Variants in KCNQ5 observed in about 807,000 individuals in gnomAD.
KCNQ5 encodes the protein potassium voltage-gated channel subfamily Q member 5, also known as potassium voltage-gated channel subfamily KQT member 5.
A neutral mutation model predicts 98.2 loss-of-function variants in KCNQ5; 30 were observed. The observed-to-expected ratio is 0.31, with a 90% CI of 0.23 to 0.41. The LOEUF (loss-of-function observed/expected upper bound fraction) is 0.41, where lower values mean the gene tolerates loss of function less well. KCNQ5 is among the 10% of genes least tolerant of loss of function. The pLI is 1.00. For missense variants in KCNQ5, 835 were observed against 1,182.5 expected (o/e 0.71, Z 4.31); for synonymous variants, 458 against 449.4 (o/e 1.02, Z -0.24).
chr6:72,806,765 C>G (rs569113097), intron 1 of KCNQ5: 34 of 448,802 alleles, frequency 7.6e-5, no homozygotes, highest in African/African-American at 6.7e-4. Flanking sequence ...ATTCCTACTT[C>G]CTCAAGCCAA....
chr6:72,941,393 T>G (rs1294131725), intron 1 of KCNQ5, among the ~76,000 whole-genome samples: 1 of 85,856 alleles, frequency 1.2e-5, no homozygotes, highest in African/African-American at 3.0e-5. Context: ...CCTTCCTTCC[T>G]CCTTTCCTCC....
intron 1 of KCNQ5, among the ~76,000 whole-genome samples, chr6:72,963,528 G>GCATTT (rs1767472002): frequency 6.6e-6 from 1 of 152,124 alleles, no homozygotes; most frequent in Non-Finnish European, 1.5e-5. Context: ...CTAAAATCTG[G>GCATTT]AAAGGAGTAT....
chr6:72,878,421 C>CT (rs113272962), intron 1 of KCNQ5, among the ~76,000 whole-genome samples: 2 of 151,870 alleles, frequency 1.3e-5, no homozygotes, highest in East Asian at 3.9e-4. Context: ...CCCCAGGAGG[C>CT]TTTTTTTCCC....
chr6:72,884,898 G>T (rs193274194), intron 1 of KCNQ5, among the ~76,000 whole-genome samples: 4 of 152,244 alleles, frequency 2.6e-5, no homozygotes, highest in African/African-American at 9.6e-5. Flanking sequence ...GATTACAGGC[G>T]TGAGCCACCT....
At chr6:73,193,506 A>AAATAAAATAAAATAAAATAAAATAT (rs1167304638) in intron 13 of KCNQ5, among the ~76,000 whole-genome samples, 3 of 148,568 alleles carry the variant, frequency 2.0e-5, no homozygotes, top group African/African-American at 7.4e-5. Context: ...AAATAAAATA[A>AAATAAAATAAAATAAAATAAAATAT]AATATAAAAT....
chr6:72,922,592 C>G (rs1181154334), intron 1 of KCNQ5, among the ~76,000 whole-genome samples: 2 of 152,092 alleles, frequency 1.3e-5, no homozygotes, highest in East Asian at 3.9e-4. Flanking sequence ...CTAGTAACCA[C>G]AATTCTACTC....
intron 1 of KCNQ5, among the ~76,000 whole-genome samples, chr6:72,660,230 C>CT (rs1464016906): frequency 6.6e-6 from 1 of 152,184 alleles, no homozygotes; most frequent in Non-Finnish European, 1.5e-5. Flanking sequence ...ACCACAACCT[C>CT]TTATTATTCC....
chr6:72,819,986 A>G (rs1775678547), intron 1 of KCNQ5, among the ~76,000 whole-genome samples: 2 of 152,134 alleles, frequency 1.3e-5, no homozygotes, highest in East Asian at 3.8e-4. Flanking sequence ...TTTGCTTTAC[A>G]GATCCCCTTT....
intron 1 of KCNQ5, among the ~76,000 whole-genome samples, chr6:72,831,620 C>T (rs1776274361): frequency 6.6e-6 from 1 of 151,546 alleles, no homozygotes; most frequent in Non-Finnish European, 1.5e-5. Context: ...AGGAGATATA[C>T]CTAATGTAAA....
intron 1 of KCNQ5, among the ~76,000 whole-genome samples, chr6:72,948,026 T>C (rs1371759557): frequency 6.6e-6 from 1 of 152,122 alleles, no homozygotes; most frequent in Non-Finnish European, 1.5e-5. Context: ...ACTAATATGC[T>C]GAAGTTTTCC....
intron 2 of KCNQ5, among the ~76,000 whole-genome samples, chr6:73,025,410 T>G (rs1214668992): frequency 6.6e-6 from 1 of 151,942 alleles, no homozygotes; most frequent in Non-Finnish European, 1.5e-5. Context: ...TCACCTGAAG[T>G]CAGGAGTTCA....
chr6:73,195,215 C>A lies in KCNQ5; in HGVS notation c.2600C>A (p.Ser867Tyr), dbSNP rs1252164215. The change falls in exon 14 of 14, where the codon TCC (serine) becomes TAC (tyrosine). Residue 867 changes from serine to tyrosine, a missense_variant. Coordinates refer to ENST00000370398, the MANE Select transcript of KCNQ5 (RefSeq NM_019842.4). ...SQDFYPKWRE[S>Y]KLFITDEEVG... ...GATTTTTACCCCAAATGGAGGGAATCCAAATTGTTTATAACTGATGAAGAG... is the reference window on the plus strand; with the variant it reads ...GATTTTTACCCCAAATGGAGGGAATACAAATTGTTTATAACTGATGAAGAG... 1 of 1,614,150 alleles carries A rather than the reference C, an allele frequency of 6.2e-7. No individual in the cohort carries two copies. The highest frequency in any genetic ancestry group is 1.7e-5 in the Admixed American group (1 of 60,010).
At chr6:72,934,064 TAAC>T (rs1353768916) in intron 1 of KCNQ5, among the ~76,000 whole-genome samples, 1 of 152,064 alleles carries the variant, frequency 6.6e-6, no homozygotes, top group African/African-American at 2.4e-5. Context: ...TATCTGTAAA[TAAC>T]AATAAGAAGA....
chr6:72,911,207 C>T (rs1169762503), intron 1 of KCNQ5, among the ~76,000 whole-genome samples: 1 of 152,138 alleles, frequency 6.6e-6, no homozygotes, highest in Non-Finnish European at 1.5e-5. Flanking sequence ...TGACACCCAA[C>T]CCCAAATTTA....
intron 1 of KCNQ5, among the ~76,000 whole-genome samples, chr6:72,997,683 T>A (rs1387375890): frequency 6.9e-6 from 1 of 144,414 alleles, no homozygotes; most frequent in East Asian, 2.1e-4. Context: ...CTCAGGAGGC[T>A]GAGAAAGGAG....
At position 73,187,059 on chromosome 6, in the gene KCNQ5, T is replaced by TTA. The variant is rs1314000555; in HGVS notation, c.1578-3513_1578-3512insAT. 5.8e-3 allele frequency among the ~76,000 whole-genome samples: 864 copies of TTA among 148,654 alleles called. 4 individuals are homozygous for TTA. The highest frequency in any genetic ancestry group is 9.7e-3 in the Non-Finnish European group (658 of 67,514). ...ATGTGGTGTTTAATAACCACCAAAA[T>TTA]TCTTTTTTTTTTTTTTTTGAGACGG... On this transcript the variant is annotated intron_variant, in intron 11 of 13. Transcript: ENST00000370398.
At chr6:72,764,935 T>C (rs988759208) in intron 1 of KCNQ5, among the ~76,000 whole-genome samples, 3 of 152,056 alleles carry the variant, frequency 2.0e-5, no homozygotes, top group African/African-American at 7.2e-5. Context: ...ATCCATGTTA[T>C]TGCAAATGAC....
In KCNQ5 at chr6:72,622,585, C is replaced by G; in HGVS notation, c.396C>G (p.Phe132Leu). The change falls in exon 1 of 14, where the codon TTC becomes TTG. Residue 132 changes from phenylalanine (F) to leucine (L), a missense_variant and splice_region_variant. This residue lies in a region of KCNQ5 where 19 missense variants were observed against 29.6 expected (regional missense o/e 0.64). Coordinates refer to ENST00000370398, the MANE Select transcript of KCNQ5 (RefSeq NM_019842.4). The surrounding 1 kb of genome is among the most constrained non-coding windows in gnomAD (Gnocchi z 6.0). ...PRGWAFIYHAFVFLLVFGCLI... is the reference protein window; with the variant it reads ...PRGWAFIYHALVFLLVFGCLI... ...GCTGGGCGTTCATCTACCACGCTTT[C>G]GTGTGAGTACCCGCGCCCCCTGCTA... 2 of 1,612,480 alleles carry G rather than the reference C, an allele frequency of 1.2e-6. No individual in the cohort carries two copies. Among genetic ancestry groups the G allele is most frequent in the Non-Finnish European group, 1.7e-6 (2 of 1,179,452 alleles).
intron 3 of KCNQ5, chr6:73,055,539 C>T (rs1180590268): frequency 6.7e-7 from 1 of 1,481,826 alleles, no homozygotes; most frequent in Non-Finnish European, 9.4e-7. Flanking sequence ...AATCACCTAC[C>T]CTCCTGTGAG....
Sources: gnomAD v4.1 joint callset for allele counts (sites outside exome capture counted in the v4.1 genomes callset) on GRCh38, gnomAD v4.1.1 for gene constraint, gnomAD v4.1.1 regional missense constraint, Gnocchi (gnomAD v3.1) non-coding constraint, MANE v1.5 for transcripts, NCBI Gene and HGNC (gene_info 2026-07-23, HGNC 2026-07-21) for gene names.